The following PBX1 variants were observed in gnomAD, a reference collection of about 807,000 sequenced individuals.
The protein encoded by PBX1 is pre-B-cell leukemia transcription factor 1.
In PBX1, 6 loss-of-function variants were observed where a neutral mutation model predicts 53.4. The ratio of observed to expected loss-of-function variants is 0.11; its 90% CI spans 0.06 to 0.22. PBX1 has a LOEUF of 0.22. Among genes scored for constraint, PBX1 ranks in the 10% least tolerant of loss-of-function variants. The pLI is 1.00. For synonymous variants in PBX1, 204 were observed against 212.3 expected, an observed-to-expected ratio of 0.96 and a Z score of 0.34; for missense variants, 251 against 551.4, an observed-to-expected ratio of 0.46 and a Z score of 5.46.
At chr1:164,754,144 G>C (rs923857837) in intron 2 of PBX1, among the ~76,000 whole-genome samples, 9 of 152,156 alleles carry the variant, frequency 5.9e-5, no homozygotes, top group Non-Finnish European at 1.2e-4. Flanking sequence ...CTGCCCTGCT[G>C]CCTATGTGCC....
intron 2 of PBX1, among the ~76,000 whole-genome samples, chr1:164,748,922 G>A (rs1471092219): frequency 6.6e-6 from 1 of 152,154 alleles, no homozygotes; most frequent in East Asian, 1.9e-4. Flanking sequence ...GATCAGAAAT[G>A]TAGGAGGAAG....
At chr1:164,765,087 G>T (rs553533314) in intron 2 of PBX1, among the ~76,000 whole-genome samples, 1 of 152,142 alleles carries the variant, frequency 6.6e-6, no homozygotes, top group African/African-American at 2.4e-5. Flanking sequence ...TTCTGTCAGC[G>T]GCCACATATA....
intron 2 of PBX1, among the ~76,000 whole-genome samples, chr1:164,879,984 A>G (rs1486610209): frequency 1.3e-5 from 2 of 152,208 alleles, no homozygotes. Flanking sequence ...TGCCAGTGGT[A>G]TAGAAGAGCT....
At chr1:164,732,833 T>C (rs2102142716) in intron 2 of PBX1, among the ~76,000 whole-genome samples, 1 of 152,270 alleles carries the variant, frequency 6.6e-6, no homozygotes, top group East Asian at 1.9e-4. Flanking sequence ...TGACTGGATC[T>C]TTCTTAGCTA....
At chr1:164,833,889 C>CTT (rs57482828) in intron 8 of PBX1, among the ~76,000 whole-genome samples, 3 of 139,184 alleles carry the variant, frequency 2.2e-5, no homozygotes, top group Admixed American at 7.2e-5. Flanking sequence ...GCTTTTTGTA[C>CTT]TTTTTTTTTT....
intron 2 of PBX1, among the ~76,000 whole-genome samples, chr1:164,576,258 T>C (rs1230004958): frequency 6.6e-6 from 1 of 152,196 alleles, no homozygotes; most frequent in African/African-American, 2.4e-5. Context: ...TGAGTCTTGC[T>C]GTAAGACGCT....
At chr1:164,712,831 A>G (rs1663876673) in intron 2 of PBX1, among the ~76,000 whole-genome samples, 1 of 152,190 alleles carries the variant, frequency 6.6e-6, no homozygotes, top group South Asian at 2.1e-4. Context: ...GCAGGCAGGC[A>G]TAGGTGTGCG....
intron 2 of PBX1, among the ~76,000 whole-genome samples, chr1:164,711,334 G>A (rs937680545): frequency 6.6e-6 from 1 of 152,172 alleles, no homozygotes; most frequent in East Asian, 1.9e-4. Context: ...CGCGATCTCG[G>A]CTCACTGCAA....
At chr1:164,697,717 C>A (rs1160568790) in intron 2 of PBX1, among the ~76,000 whole-genome samples, 1 of 152,146 alleles carries the variant, frequency 6.6e-6, no homozygotes, top group Non-Finnish European at 1.5e-5. Flanking sequence ...ATTAAACTGT[C>A]ACAGAGTACT....
At chr1:164,812,182 G>A (rs1263960608) in intron 6 of PBX1, 33 bp downstream of exon 6, 1 of 1,577,558 alleles carries the variant, frequency 6.3e-7, no homozygotes, top group East Asian at 2.3e-5. Flanking sequence ...GGTGGGGGAA[G>A]GAATTGTTCT....
At chr1:164,859,647 G>A (rs1185621828) in intron 2 of PBX1, among the ~76,000 whole-genome samples, 2 of 152,160 alleles carry the variant, frequency 1.3e-5, no homozygotes, top group Admixed American at 6.6e-5. Flanking sequence ...CTTGCTGGGG[G>A]TTGTTACTTA....
At chr1:164,784,540 G>A (rs1231450952) in intron 2 of PBX1, among the ~76,000 whole-genome samples, 3 of 152,194 alleles carry the variant, frequency 2.0e-5, no homozygotes, top group Non-Finnish European at 4.4e-5. Flanking sequence ...TTTCTCTAAA[G>A]ACAACCACAA....
chr1:164,727,109 C>T (rs5011740), intron 2 of PBX1, among the ~76,000 whole-genome samples: 6,572 of 152,226 alleles, frequency 0.043, 257 homozygotes, highest in East Asian at 0.14. Flanking sequence ...TTACACACCC[C>T]TAGGGATGAA....
chr1:164,695,918 T>C (rs751933846), intron 2 of PBX1, among the ~76,000 whole-genome samples: 23 of 152,198 alleles, frequency 1.5e-4, no homozygotes, highest in Non-Finnish European at 3.1e-4. Flanking sequence ...GTGTATGGTC[T>C]GTTTGTAGGA....
At chr1:164,646,595 G>A (rs1272904858) in intron 2 of PBX1, among the ~76,000 whole-genome samples, 1 of 152,048 alleles carries the variant, frequency 6.6e-6, no homozygotes, top group Non-Finnish European at 1.5e-5. Flanking sequence ...AAAAGACTTG[G>A]GGACACCAAG....
Position 164,679,567 on chromosome 1 carries a change from G to A in PBX1, c.266-112927G>A, listed in dbSNP as rs146137574. Among the ~76,000 whole-genome samples, 447 of 152,260 alleles carry A rather than the reference G, an allele frequency of 2.9e-3. 2 individuals are homozygous for A. Among genetic ancestry groups the A allele is most frequent in the African/African-American group, 0.01 (430 of 41,538 alleles). On this transcript the variant is annotated intron_variant, in intron 2 of 8. Transcript: ENST00000420696. ...TTTTATTTATAAAGTCACAATCTGA[G>A]ATCATCAGATTGTCAACAACTACAA...
chr1:164,781,115 A>C lies in PBX1; in HGVS notation c.266-11379A>C, dbSNP rs74121232. Among the ~76,000 whole-genome samples, 578 of 151,698 alleles carry C rather than the reference A, an allele frequency of 3.8e-3. 6 individuals are homozygous for C. Among genetic ancestry groups the C allele is most frequent in the African/African-American group, 0.013 (556 of 41,304 alleles). ...ATGAGTGGTGATGGATCATCCACAT[A>C]CTCTCCCTGAAGGACCCTGACTGAC... On this transcript the variant is annotated intron_variant, in intron 2 of 8. Coordinates refer to ENST00000420696, the MANE Select transcript of PBX1 (RefSeq NM_002585.4).
chr1:164,834,545 A>T (rs1393600041), intron 8 of PBX1, among the ~76,000 whole-genome samples: 1 of 152,042 alleles, frequency 6.6e-6, no homozygotes, highest in East Asian at 1.9e-4. Flanking sequence ...GAGTTTCACC[A>T]TGTTGGACAG....
intron 2 of PBX1, among the ~76,000 whole-genome samples, chr1:164,710,448 G>C (rs1466153205): frequency 1.3e-5 from 2 of 151,780 alleles, no homozygotes; most frequent in African/African-American, 2.4e-5. Context: ...TTTTGTTCTT[G>C]TTGCCCAGGC....
Sources: gnomAD v4.1 joint callset for allele counts (sites outside exome capture counted in the v4.1 genomes callset) on GRCh38, gnomAD v4.1.1 for gene constraint, MANE v1.5 for transcripts, NCBI Gene and HGNC (gene_info 2026-07-23, HGNC 2026-07-21) for gene names.